TRDMT1: variants seen among roughly 807,000 people sequenced by gnomAD.
TRDMT1 encodes tRNA (cytosine(38)-C(5))-methyltransferase.
In TRDMT1, 49 loss-of-function variants were observed where a neutral mutation model predicts 51.2. That is an observed-to-expected ratio of 0.96 (90% confidence interval 0.76 to 1.21). The LOEUF is 1.21. TRDMT1 is among the 50% of genes most tolerant of loss of function. The probability of loss-of-function intolerance (pLI) is 0.00; values close to 1 mark genes in which losing one functional copy is unlikely to be tolerated. For synonymous variants in TRDMT1, 187 were observed against 164.6 expected (o/e 1.14, Z -1.04); for missense variants, 534 against 462.3 (o/e 1.16, Z -1.42).
chr10:17,164,486 T>C lies in TRDMT1; in HGVS notation c.252-2249A>G, dbSNP rs1333845663. Reference sequence around the variant, plus strand: ...GACAGGGATGCCCTCTCTCATCACTTCTATTCAACATAGTGTTGGAAGTTC... The same window carrying C: ...GACAGGGATGCCCTCTCTCATCACTCCTATTCAACATAGTGTTGGAAGTTC... On this transcript the variant is annotated intron_variant, in intron 3 of 10. Coordinates refer to ENST00000377799, the MANE Select transcript of TRDMT1 (RefSeq NM_004412.7). 7.9e-5 allele frequency among the ~76,000 whole-genome samples: 12 copies of C among 152,236 alleles called. 1 individual carries two copies. Among genetic ancestry groups the C allele is most frequent in the African/African-American group, 2.2e-4 (9 of 41,554 alleles).
At chr10:17,192,448 T>C (rs1844815137) in intron 1 of TRDMT1, among the ~76,000 whole-genome samples, 2 of 152,242 alleles carry the variant, frequency 1.3e-5, no homozygotes, top group Admixed American at 6.5e-5. Flanking sequence ...AGTTGGCTAA[T>C]ATGTATAGCC....
intron 1 of TRDMT1, among the ~76,000 whole-genome samples, chr10:17,187,796 T>C (rs980940182): frequency 3.9e-5 from 6 of 152,104 alleles, no homozygotes; most frequent in African/African-American, 1.4e-4. Flanking sequence ...TAAACACAAA[T>C]ACATTACACA....
At chr10:17,165,505 C>T (rs1841065947) in intron 3 of TRDMT1, among the ~76,000 whole-genome samples, 2 of 152,112 alleles carry the variant, frequency 1.3e-5, no homozygotes, top group African/African-American at 4.8e-5. Context: ...CAACAAAAGC[C>T]AAAATTGACA....
rs199876591 is a variant in TRDMT1, at chr10:17,162,228, C to T, written c.261G>A (p.Arg87=). Residue 87 remains arginine, a synonymous_variant, in exon 4 of 11, where the codon CGG becomes CGA. Coordinates refer to ENST00000377799, the MANE Select transcript of TRDMT1 (RefSeq NM_004412.7). ...PPCQPFTRIG[R]QGDMTDSRTN... Reference sequence around the variant, plus strand: ...TCCTTGAATCAGTCATATCACCCTGCCGGCCAATCCTAAAGGGGTAAAAAA... The same window carrying T: ...TCCTTGAATCAGTCATATCACCCTGTCGGCCAATCCTAAAGGGGTAAAAAA... 1.4e-5 allele frequency: 23 copies of T among 1,591,338 alleles called. No individual in the cohort carries two copies.
chr10:17,146,077 T>C lies in TRDMT1; in HGVS notation c.*2963A>G, dbSNP rs1838082787. On this transcript the variant is annotated 3_prime_UTR_variant, in exon 11 of 11. Coordinates refer to ENST00000377799, the MANE Select transcript of TRDMT1 (RefSeq NM_004412.7). ...CCATCCAATTTTACATCCCACATGG[T>C]AGCAATACAGCCTTTCAGGGCAACT... 1.0e-6 allele frequency: 1 copy of C among 985,288 alleles called. No individual in the cohort carries two copies. The highest frequency in any genetic ancestry group is 1.2e-6 in the Non-Finnish European group (1 of 829,940). The allele number at this position is 985,288 out of a possible 1,614,324, so 61.0% of individuals were successfully genotyped here. A position where few individuals can be genotyped will look rare whatever the true frequency, so the allele number is the denominator to read the frequency against.
At position 17,144,465 on chromosome 10, in the gene TRDMT1, G is replaced by GA. The variant is rs1301511237; in HGVS notation, c.*4574dup. Reference sequence around the variant, plus strand: ...AAAATTTCCGGTCTCATATTTATAGGAAAAATGAGATTTTGGAAGCTTTAG... The same window carrying GA: ...AAAATTTCCGGTCTCATATTTATAGGAAAAAATGAGATTTTGGAAGCTTTAG... On this transcript the variant is annotated 3_prime_UTR_variant, in exon 11 of 11. Coordinates refer to ENST00000377799, the MANE Select transcript of TRDMT1 (RefSeq NM_004412.7). 4.0e-5 allele frequency: 39 copies of GA among 985,502 alleles called. No homozygotes were observed. Among genetic ancestry groups the GA allele is most frequent in the Non-Finnish European group, 4.6e-5 (38 of 829,914 alleles). 61.0% of individuals were successfully genotyped at this position (985,502 alleles called of 1,614,324 possible).
chr10:17,197,461 G>A (rs1276876173), intron 1 of TRDMT1, among the ~76,000 whole-genome samples: 2 of 152,188 alleles, frequency 1.3e-5, no homozygotes, highest in African/African-American at 4.8e-5. Flanking sequence ...TGGATATGCT[G>A]ATAAGGATGA....
At position 17,146,803 on chromosome 10, in the gene TRDMT1, C is replaced by G. The variant is rs939004422; in HGVS notation, c.*2237G>C. On this transcript the variant is annotated 3_prime_UTR_variant, in exon 11 of 11. Transcript: ENST00000377799. ...ATTATTACCAAAAGCATATAGCAGACATTCCATAAAATAACATTTTCCAAA... is the reference window on the plus strand; with the variant it reads ...ATTATTACCAAAAGCATATAGCAGAGATTCCATAAAATAACATTTTCCAAA... 2.4e-5 allele frequency: 24 copies of G among 985,274 alleles called. No homozygotes were observed. In the African/African-American group the frequency reaches 4.2e-4, roughly 17 times the overall value. 61.0% of individuals were successfully genotyped at this position (985,274 alleles called of 1,614,324 possible). A position where few individuals can be genotyped will look rare whatever the true frequency, so the allele number is the denominator to read the frequency against.
At chr10:17,195,579 C>A (rs1214628849) in intron 1 of TRDMT1, among the ~76,000 whole-genome samples, 3 of 151,776 alleles carry the variant, frequency 2.0e-5, no homozygotes, top group Non-Finnish European at 2.9e-5. Context: ...CAAACTTGCA[C>A]ATGTACCCCT....
chr10:17,173,259 A>G (rs1446509291), intron 2 of TRDMT1, among the ~76,000 whole-genome samples: 1 of 152,174 alleles, frequency 6.6e-6, no homozygotes, highest in African/African-American at 2.4e-5. Context: ...TTTACTTGTA[A>G]TGGTAAAAAA....
chr10:17,143,736 G>A lies in TRDMT1; in HGVS notation c.*5304C>T, dbSNP rs1837869831. On this transcript the variant is annotated 3_prime_UTR_variant, in exon 11 of 11. Transcript: ENST00000377799. ...AATGATCGTTCAGAGGCCTGCCTTA[G>A]GAAGGCCATTTTAACAGAAGCTGAC... 2.0e-6 allele frequency: 2 copies of A among 985,256 alleles called. No homozygotes were observed. Among genetic ancestry groups the A allele is most frequent in the Non-Finnish European group, 2.4e-6 (2 of 829,932 alleles). 61.0% of individuals were successfully genotyped at this position (985,256 alleles called of 1,614,324 possible).
Position 17,144,450 on chromosome 10 carries a change from G to A in TRDMT1, c.*4590C>T, listed in dbSNP as rs1837934759. On this transcript the variant is annotated 3_prime_UTR_variant, in exon 11 of 11. Transcript: ENST00000377799. The stretch of plus-strand genomic sequence containing the variant: ...CTTGTAATTTTTGTGAAAATTTCCG[G>A]TCTCATATTTATAGGAAAAATGAGA... 1 of 985,482 alleles carries A rather than the reference G, an allele frequency of 1.0e-6. No homozygotes were observed. Among genetic ancestry groups the A allele is most frequent in the African/African-American group, 1.7e-5 (1 of 57,212 alleles). 61.0% of individuals were successfully genotyped at this position (985,482 alleles called of 1,614,324 possible).
intron 4 of TRDMT1, 22 bp downstream of exon 4, chr10:17,162,144 G>A: frequency 6.3e-7 from 1 of 1,585,104 alleles, no homozygotes; most frequent in South Asian, 1.1e-5. Flanking sequence ...AGGTAAGCTT[G>A]TACAGGAACC....
chr10:17,194,949 C>CAA (rs1157484978), intron 1 of TRDMT1, among the ~76,000 whole-genome samples: 969 of 85,254 alleles, frequency 0.011, 18 homozygotes, highest in African/African-American at 0.033. Context: ...AAAAAAAAGT[C>CAA]AAAAAAAAAA....
intron 9 of TRDMT1, 79 bp from the exon 10 acceptor site, chr10:17,153,715 C>A (rs1839100525): frequency 7.0e-7 from 1 of 1,420,676 alleles, no homozygotes; most frequent in South Asian, 1.4e-5. Flanking sequence ...ATAGTTGAAA[C>A]TCGATGGACA....
chr10:17,151,046 A>G (rs1838646089), intron 10 of TRDMT1: 1 of 955,864 alleles, frequency 1.0e-6, no homozygotes, highest in Non-Finnish European at 1.2e-6. Flanking sequence ...TATTTCTTTA[A>G]ATCTAAATTA....
Position 17,148,735 on chromosome 10 carries a change from GCT to G in TRDMT1, c.*303_*304del. 3.0e-6 allele frequency: 3 copies of G among 1,015,988 alleles called. No homozygotes were observed. Among genetic ancestry groups the G allele is most frequent in the Non-Finnish European group, 3.5e-6 (3 of 849,104 alleles). The allele number at this position is 1,015,988 out of a possible 1,614,324, so 62.9% of individuals were successfully genotyped here. A position where few individuals can be genotyped will look rare whatever the true frequency, so the allele number is the denominator to read the frequency against. On this transcript the variant is annotated 3_prime_UTR_variant, in exon 11 of 11. Coordinates refer to ENST00000377799, the MANE Select transcript of TRDMT1 (RefSeq NM_004412.7). ...ACAAGATACTCATGTAGACACTAAA[GCT>G]CTAGTGCTCCTTGATTTGTTTATAA...
intron 1 of TRDMT1, among the ~76,000 whole-genome samples, chr10:17,198,762 T>C (rs573622895): frequency 1.3e-5 from 2 of 152,364 alleles, no homozygotes; most frequent in South Asian, 4.1e-4. Flanking sequence ...TTAATGCCAT[T>C]GAACTATACA....
chr10:17,162,633 G>A (rs771194634), intron 3 of TRDMT1, among the ~76,000 whole-genome samples: 27 of 151,922 alleles, frequency 1.8e-4, no homozygotes, highest in Middle Eastern at 3.4e-3. Flanking sequence ...ACTTGAGCCC[G>A]GGAGTTCCAG....
Sources: gnomAD v4.1 joint callset for allele counts (sites outside exome capture counted in the v4.1 genomes callset) on GRCh38, gnomAD v4.1.1 for gene constraint, MANE v1.5 for transcripts, NCBI Gene and HGNC (gene_info 2026-07-23, HGNC 2026-07-21) for gene names.